The following KCNB2 variants were observed in gnomAD, a reference collection of about 807,000 sequenced individuals.
KCNB2 encodes the protein delayed rectifier potassium channel protein.
A neutral mutation model predicts 61.5 loss-of-function variants in KCNB2; 15 were observed. The ratio of observed to expected loss-of-function variants is 0.24; its 90% CI spans 0.16 to 0.38. The LOEUF is 0.38. Among genes scored for constraint, KCNB2 ranks in the 10% least tolerant of loss-of-function variants. The probability of loss-of-function intolerance (pLI) is 1.00; values close to 1 mark genes in which losing one functional copy is unlikely to be tolerated. For synonymous variants in KCNB2, 457 were observed against 446.0 expected (o/e 1.02, Z -0.31); for missense variants, 828 against 1,125.2 (o/e 0.74, Z 3.78).
intron 2 of KCNB2, among the ~76,000 whole-genome samples, chr8:72,738,118 GATGGGGTTTGGGTAGCCA>G (rs1192869389): frequency 6.6e-6 from 1 of 152,162 alleles, no homozygotes; most frequent in African/African-American, 2.4e-5. Flanking sequence ...CTCTCTGAGA[GATGGGGTTTGGGTAGCCA>G]ATGCTCTGTT....
At chr8:72,931,544 T>C (rs1415137801) in intron 2 of KCNB2, among the ~76,000 whole-genome samples, 1 of 152,222 alleles carries the variant, frequency 6.6e-6, no homozygotes, top group Non-Finnish European at 1.5e-5. Flanking sequence ...CTAGGTATTT[T>C]ATTTTCTTTG....
intron 2 of KCNB2, among the ~76,000 whole-genome samples, chr8:72,851,754 GA>G (rs1810112594): frequency 7.0e-6 from 1 of 142,574 alleles, no homozygotes; most frequent in East Asian, 2.1e-4. Flanking sequence ...TTGGAGGGGA[GA>G]GCTGATGTTT....
chr8:72,642,920 A>T (rs902377445), intron 2 of KCNB2, among the ~76,000 whole-genome samples: 1 of 152,162 alleles, frequency 6.6e-6, no homozygotes, highest in Non-Finnish European at 1.5e-5. Context: ...AGAATTAAAA[A>T]GGCACATTTT....
At chr8:72,929,788 T>G (rs576169675) in intron 2 of KCNB2, among the ~76,000 whole-genome samples, 1 of 152,252 alleles carries the variant, frequency 6.6e-6, no homozygotes, top group Non-Finnish European at 1.5e-5. Flanking sequence ...CACACATAAT[T>G]GTTTTTTTTA....
At chr8:72,742,229 T>TTGGGATGG (rs1807971981) in intron 2 of KCNB2, among the ~76,000 whole-genome samples, 2 of 152,222 alleles carry the variant, frequency 1.3e-5, no homozygotes, top group African/African-American at 4.8e-5. Flanking sequence ...TGTTCACCAT[T>TTGGGATGG]GATCTTTGAA....
At chr8:72,771,502 T>A (rs1808560523) in intron 2 of KCNB2, among the ~76,000 whole-genome samples, 1 of 152,200 alleles carries the variant, frequency 6.6e-6, no homozygotes, top group African/African-American at 2.4e-5. Context: ...AAATATTAAT[T>A]ACGGTGAGGT....
chr8:72,726,789 A>G (rs1807657817), intron 2 of KCNB2, among the ~76,000 whole-genome samples: 1 of 152,190 alleles, frequency 6.6e-6, no homozygotes, highest in Non-Finnish European at 1.5e-5. Context: ...GTTGTTAATG[A>G]GCCAACATCC....
At chr8:72,760,095 C>G (rs984235793) in intron 2 of KCNB2, among the ~76,000 whole-genome samples, 3 of 152,122 alleles carry the variant, frequency 2.0e-5, no homozygotes, top group Admixed American at 2.0e-4. Flanking sequence ...TTAAAAGATC[C>G]TTCTTACAAA....
chr8:72,575,991 C>T (rs540207897), intron 2 of KCNB2, among the ~76,000 whole-genome samples: 2 of 152,288 alleles, frequency 1.3e-5, no homozygotes, highest in East Asian at 1.9e-4. Flanking sequence ...AACAGAGAGA[C>T]TCTGTCTGTT....
chr8:72,931,829 G>A lies in KCNB2; in HGVS notation c.580-4106G>A, dbSNP rs996996710. On this transcript the variant is annotated intron_variant, in intron 2 of 2. Transcript: ENST00000523207. Reference sequence around the variant, plus strand: ...GGCATTTGAGACCAGCCTGGCCAACGTGGTGAAACGCTGTCGCTACTAAAA... The same window carrying A: ...GGCATTTGAGACCAGCCTGGCCAACATGGTGAAACGCTGTCGCTACTAAAA... Among the ~76,000 whole-genome samples the A allele has an allele frequency of 2.1e-4, 32 of 152,156 alleles. 1 individual carries two copies. The highest frequency in any genetic ancestry group is 1.6e-3 in the Admixed American group (25 of 15,270).
chr8:72,557,345 A>G (rs556098052), intron 1 of KCNB2, among the ~76,000 whole-genome samples: 25 of 152,262 alleles, frequency 1.6e-4, no homozygotes, highest in African/African-American at 5.8e-4. Context: ...GTTAACAGGT[A>G]TAAGCTTATA....
chr8:72,601,634 T>C (rs1235664499), intron 2 of KCNB2, among the ~76,000 whole-genome samples: 1 of 152,228 alleles, frequency 6.6e-6, no homozygotes, highest in African/African-American at 2.4e-5. Context: ...ATGACTGAAC[T>C]TCCACTGTGA....
intron 2 of KCNB2, among the ~76,000 whole-genome samples, chr8:72,740,407 C>T (rs1360111239): frequency 6.6e-6 from 1 of 152,094 alleles, no homozygotes; most frequent in Non-Finnish European, 1.5e-5. Context: ...CTGGCTAAGG[C>T]TTCAAGTTCT....
chr8:72,560,401 G>A (rs184031844), intron 1 of KCNB2, among the ~76,000 whole-genome samples: 3 of 152,282 alleles, frequency 2.0e-5, no homozygotes, highest in East Asian at 1.9e-4. Context: ...TGTCATTCAC[G>A]TGGAATCAGG....
chr8:72,716,196 G>A (rs1807436709), intron 2 of KCNB2, among the ~76,000 whole-genome samples: 1 of 152,040 alleles, frequency 6.6e-6, no homozygotes, highest in Non-Finnish European at 1.5e-5. Flanking sequence ...AAAAAGTCCA[G>A]GACCAGATGG....
intron 2 of KCNB2, among the ~76,000 whole-genome samples, chr8:72,726,445 T>C (rs556960473): frequency 1.3e-5 from 2 of 152,330 alleles, no homozygotes; most frequent in South Asian, 4.1e-4. Context: ...TAAATGATAG[T>C]AAATACATAC....
chr8:72,681,979 T>C (rs932085757), intron 2 of KCNB2, among the ~76,000 whole-genome samples: 2 of 152,208 alleles, frequency 1.3e-5, no homozygotes, highest in Admixed American at 6.5e-5. Context: ...GGGATTAAAA[T>C]TGTGTTTTCA....
chr8:72,933,417 C>T (rs2129009176), intron 2 of KCNB2, among the ~76,000 whole-genome samples: 1 of 152,288 alleles, frequency 6.6e-6, no homozygotes, highest in Admixed American at 6.5e-5. Flanking sequence ...TACTTCTCTC[C>T]TCTCTTTGAA....
intron 2 of KCNB2, among the ~76,000 whole-genome samples, chr8:72,585,131 A>C (rs551848801): frequency 1.3e-5 from 2 of 152,214 alleles, no homozygotes; most frequent in Non-Finnish European, 2.9e-5. Context: ...GGCTTAGCAT[A>C]ATACCTGGCA....
Sources: gnomAD v4.1 joint callset for allele counts (sites outside exome capture counted in the v4.1 genomes callset) on GRCh38, gnomAD v4.1.1 for gene constraint, MANE v1.5 for transcripts, NCBI Gene and HGNC (gene_info 2026-07-23, HGNC 2026-07-21) for gene names.